The following MAP4K5 variants were observed in gnomAD, a reference collection of about 807,000 sequenced individuals.
The protein encoded by MAP4K5 is MAPK/ERK kinase kinase kinase 5.
Under a neutral mutation model 135.6 loss-of-function variants are expected in MAP4K5, and 82 were observed. The ratio of observed to expected loss-of-function variants is 0.60; its 90% CI spans 0.51 to 0.73. MAP4K5 has a LOEUF of 0.73. Ranked by LOEUF, MAP4K5 falls within the 30% of genes least tolerant of loss-of-function variation. The pLI is 0.00. For synonymous variants in MAP4K5, 347 were observed against 335.0 expected (o/e 1.04, Z -0.39); for missense variants, 907 against 1,010.9 (o/e 0.90, Z 1.39).
intron 2 of MAP4K5, among the ~76,000 whole-genome samples, chr14:50,525,442 G>A: frequency 6.6e-6 from 1 of 152,038 alleles, no homozygotes; most frequent in Non-Finnish European, 1.5e-5. Context: ...ATTTAGTCTT[G>A]CATAAACTCT....
intron 1 of MAP4K5, among the ~76,000 whole-genome samples, chr14:50,550,982 A>T (rs1490794853): frequency 6.6e-6 from 1 of 152,174 alleles, no homozygotes; most frequent in African/African-American, 2.4e-5. Context: ...GGAACTAGAG[A>T]AACAAGAACC....
At chr14:50,444,985 C>G in intron 18 of MAP4K5, 56 bp downstream of exon 18, 1 of 1,520,186 alleles carries the variant, frequency 6.6e-7, no homozygotes, top group Non-Finnish European at 8.9e-7. Flanking sequence ...TTTATTCACC[C>G]AGATAACAAT....
At chr14:50,460,133 T>G (rs1256827836) in intron 13 of MAP4K5, among the ~76,000 whole-genome samples, 1 of 152,174 alleles carries the variant, frequency 6.6e-6, no homozygotes, top group Non-Finnish European at 1.5e-5. Flanking sequence ...TCCTTCAGGT[T>G]TTCAGCTTAA....
chr14:50,493,679 T>C (rs1379794261), intron 3 of MAP4K5, among the ~76,000 whole-genome samples: 1 of 151,768 alleles, frequency 6.6e-6, no homozygotes, highest in Non-Finnish European at 1.5e-5. Context: ...ACAAGGAAAT[T>C]AAGAAAACAA....
At chr14:50,551,268 A>T (rs190975440) in intron 1 of MAP4K5, among the ~76,000 whole-genome samples, 29 of 152,280 alleles carry the variant, frequency 1.9e-4, no homozygotes, top group Admixed American at 9.8e-4. Flanking sequence ...CACAAACTAG[A>T]AAGTCTAAAG....
intron 16 of MAP4K5, 50 bp from the exon 17 acceptor site, chr14:50,446,171 G>T: frequency 9.0e-7 from 1 of 1,109,368 alleles, no homozygotes; most frequent in Non-Finnish European, 1.3e-6. Flanking sequence ...GACCGTAACC[G>T]AAAACACAGA....
Position 50,495,638 on chromosome 14 carries a change from T to C in MAP4K5, c.166+9162A>G, listed in dbSNP as rs80040026. ...ATGTTCATAGCAGCACTATTTACAA[T>C]AGCCAAGAGGTAGAGGCAACCCAGT... On this transcript the variant is annotated intron_variant, in intron 3 of 32. Transcript: ENST00000682126. 9.5e-3 allele frequency among the ~76,000 whole-genome samples: 1,447 copies of C among 152,330 alleles called. 18 individuals carry two copies. Among genetic ancestry groups the C allele is most frequent in the African/African-American group, 0.032 (1,343 of 41,578 alleles).
chr14:50,560,209 C>T (rs530903463), intron 1 of MAP4K5: 273 of 1,606,490 alleles, frequency 1.7e-4, no homozygotes, highest in Non-Finnish European at 6.3e-5. Context: ...CCTGCGGCCC[C>T]GGAGAAGGCA....
At chr14:50,426,962 G>A (rs889324866) in intron 30 of MAP4K5, among the ~76,000 whole-genome samples, 1 of 152,162 alleles carries the variant, frequency 6.6e-6, no homozygotes, top group Non-Finnish European at 1.5e-5. Context: ...ATGTAAGAAT[G>A]TTCTGGGAAC....
At chr14:50,483,922 G>A (rs775582745) in intron 5 of MAP4K5, among the ~76,000 whole-genome samples, 3 of 151,600 alleles carry the variant, frequency 2.0e-5, no homozygotes, top group Non-Finnish European at 4.4e-5. Flanking sequence ...GTGCACTGGC[G>A]TGATCTTGGT....
chr14:50,430,691 A>T (rs1407330621), intron 28 of MAP4K5, among the ~76,000 whole-genome samples: 1 of 152,224 alleles, frequency 6.6e-6, no homozygotes, highest in African/African-American at 2.4e-5. Flanking sequence ...GATCATTATT[A>T]TCTAAAAGGG....
In MAP4K5 at chr14:50,466,611, G is replaced by A; in HGVS notation, c.709C>T (p.Pro237Ser). Residue 237 changes from proline (P) to serine (S), a missense_variant, in exon 11 of 33, where the codon CCT (proline) becomes TCT (serine). Physicochemically the swap from Pro to Ser is moderately conservative, Grantham distance 74. Around this residue, in one of 3 missense-constraint regions of MAP4K5, gnomAD observed 690 missense variants for 777.4 expected, o/e 0.89. Transcript: ENST00000682126. Reference sequence around the variant, plus strand: ...TTTGTTTTGTCCTTTAGTTTTGGAGGCTGAAAATTACTTTTTGACATTAAG... The same window carrying A: ...TTTGTTTTGTCCTTTAGTTTTGGAGACTGAAAATTACTTTTTGACATTAAG... ...LFLMSKSNFQ[P>S]PKLKDKTKWS... is the part of the protein sequence containing the mutation. The A allele has an allele frequency of 6.8e-7, 1 of 1,464,614 alleles. No individual in the cohort carries two copies. The highest frequency in any genetic ancestry group is 9.4e-7 in the Non-Finnish European group (1 of 1,069,058). 90.7% of individuals were successfully genotyped at this position (1,464,614 alleles called of 1,614,324 possible).
intron 2 of MAP4K5, among the ~76,000 whole-genome samples, chr14:50,509,420 C>A (rs11157749): frequency 6.6e-6 from 1 of 152,132 alleles, no homozygotes; most frequent in South Asian, 2.1e-4. Context: ...TTTGTTGAAA[C>A]AGATTAACAA....
chr14:50,476,102 A>C, intron 8 of MAP4K5, 26 bp downstream of exon 8: 2 of 1,374,994 alleles, frequency 1.5e-6, no homozygotes, highest in Non-Finnish European at 1.9e-6. Flanking sequence ...TTTTGGAAAA[A>C]ATTTTAGGAA....
chr14:50,444,922 A>C, intron 18 of MAP4K5, 119 bp downstream of exon 18: 1 of 1,120,808 alleles, frequency 8.9e-7, no homozygotes, highest in Non-Finnish European at 1.2e-6. Context: ...CTAAATAAAA[A>C]AGATATTTTT....
rs113465184 is a variant in MAP4K5 at position 50,465,815 on chromosome 14, T to C, written c.737+768A>G. Reference sequence around the variant, plus strand: ...ACACTGGGCCGGGTGAGGTGGCTCATGCCTGTAATCTCAGCACTTTGGGAG... The same window carrying C: ...ACACTGGGCCGGGTGAGGTGGCTCACGCCTGTAATCTCAGCACTTTGGGAG... On this transcript the variant is annotated intron_variant, in intron 11 of 32. Coordinates refer to ENST00000682126, the MANE Select transcript of MAP4K5 (RefSeq NM_006575.6). Among the ~76,000 whole-genome samples, 763 of 152,232 alleles carry C rather than the reference T, an allele frequency of 5.0e-3. 2 individuals are homozygous for C. The highest frequency in any genetic ancestry group is 7.3e-3 in the Non-Finnish European group (499 of 68,004).
Position 50,476,114 on chromosome 14 carries a change from T to C in MAP4K5, c.469+14A>G. ...AATTTTTGGAAAAAATTTTAGGAAT[T>C]TGAAATAACATACCTAATTTTACAT... On this transcript the variant is annotated intron_variant, in intron 8 of 32. Coordinates refer to ENST00000682126, the MANE Select transcript of MAP4K5 (RefSeq NM_006575.6). The C allele has an allele frequency of 7.0e-7, 1 of 1,425,710 alleles. No individual in the cohort carries two copies. The highest frequency in any genetic ancestry group is 2.7e-5 in the East Asian group (1 of 37,668). The allele number at this position is 1,425,710 out of a possible 1,614,324, so 88.3% of individuals were successfully genotyped here.
chr14:50,446,895 AAATAT>A (rs2036365948), intron 16 of MAP4K5, among the ~76,000 whole-genome samples: 1 of 152,222 alleles, frequency 6.6e-6, no homozygotes, highest in African/African-American at 2.4e-5. Flanking sequence ...ATGTGTAATA[AAATAT>A]AATTATTCTT....
intron 1 of MAP4K5, among the ~76,000 whole-genome samples, chr14:50,558,329 G>A (rs1022888664): frequency 6.6e-6 from 1 of 152,196 alleles, no homozygotes; most frequent in East Asian, 1.9e-4. Context: ...ACTGCACTCC[G>A]GCCTGGGCAA....
Sources: gnomAD v4.1 joint callset for allele counts (sites outside exome capture counted in the v4.1 genomes callset) on GRCh38, gnomAD v4.1.1 for gene constraint, gnomAD v4.1.1 regional missense constraint, MANE v1.5 for transcripts, NCBI Gene and HGNC (gene_info 2026-07-23, HGNC 2026-07-21) for gene names.